TMEM223: variants seen among roughly 807,000 people sequenced by gnomAD.
TMEM223 encodes transmembrane protein 223.
A neutral mutation model predicts 14.1 loss-of-function variants in TMEM223; 14 were observed. The ratio of observed to expected loss-of-function variants is 0.99; its 90% CI spans 0.66 to 1.55. TMEM223 has a LOEUF of 1.55. TMEM223 is among the 40% of genes most tolerant of loss of function. The pLI is 0.00. For missense variants in TMEM223, 346 were observed against 269.9 expected, an observed-to-expected ratio of 1.28 and a Z score of -1.97; for synonymous variants, 145 against 120.5, an observed-to-expected ratio of 1.20 and a Z score of -1.33.
In TMEM223 at chr11:62,791,767, A is replaced by C; in HGVS notation, c.228T>G (p.Pro76=). The C allele has an allele frequency of 1.3e-6, 2 of 1,566,500 alleles. No individual in the cohort carries two copies. The highest frequency in any genetic ancestry group is 1.2e-5 in the South Asian group (1 of 85,178). ...AVSRPPVPVQ[P]LDAEVPNRGP... Reference sequence around the variant, plus strand: ...CACGATTTGGGACCTCCGCATCCAGAGGCTGCACCGGAACCGGGGGCCGGG... The same window carrying C: ...CACGATTTGGGACCTCCGCATCCAGCGGCTGCACCGGAACCGGGGGCCGGG... The change falls in exon 1 of 2, where the codon CCT becomes CCG. Residue 76 remains proline, a synonymous_variant. Coordinates refer to ENST00000307366, the MANE Select transcript of TMEM223 (RefSeq NM_001080501.3).
downstream of TMEM223, among the ~76,000 whole-genome samples, chr11:62,783,680 A>C (rs1338893828): frequency 6.6e-6 from 1 of 151,528 alleles, no homozygotes; most frequent in African/African-American, 2.4e-5. Context: ...GATTACAGGC[A>C]CGTGCCACCA....
At chr11:62,788,903 G>A (rs572615034), downstream of TMEM223, 5 of 1,104,724 alleles carry the variant, frequency 4.5e-6, no homozygotes, top group South Asian at 4.9e-5. Context: ...AGGAATTGAC[G>A]GTGCACAAAT....
chr11:62,772,002 G>C, exon 3 of TMEM223: 1 of 419,658 alleles, frequency 2.4e-6, no homozygotes. Flanking sequence ...GGCGGCTCCT[G>C]AATGCGGTAT....
At chr11:62,781,968 G>A in intron 1 of TMEM223, 1 of 1,613,938 alleles carries the variant, frequency 6.2e-7, no homozygotes, top group Non-Finnish European at 8.5e-7. Flanking sequence ...TGGTCAGTGG[G>A]GTAAGTGACC....
rs1554997115 is a variant in TMEM223, at chr11:62,781,678, A to AAAT, written c.315-7014_315-7013insATT. 2,774 of 463,340 alleles carry AAAT rather than the reference A, an allele frequency of 6.0e-3. 12 individuals carry two copies. Among genetic ancestry groups the AAAT allele is most frequent in the East Asian group, 0.013 (290 of 21,762 alleles). The allele number at this position is 463,340 out of a possible 1,614,324, so 28.7% of individuals were successfully genotyped here. ...ACTCGGTCTCAAAAAAAAAAAAAAA[A>AAAT]GTTGGACATTCAGGTTGTATTCAGG... On this transcript the variant is annotated intron_variant, in intron 1 of 2. Transcript: ENST00000528367.
intron 1 of TMEM223, among the ~76,000 whole-genome samples, chr11:62,791,223 T>C (rs904295560): frequency 6.6e-6 from 1 of 152,102 alleles, no homozygotes; most frequent in Non-Finnish European, 1.5e-5. Context: ...CAGCCTAGGC[T>C]ATGACAGGGC....
At chr11:62,782,588 A>C, downstream of TMEM223, 5 of 1,505,380 alleles carry the variant, frequency 3.3e-6, no homozygotes, top group Non-Finnish European at 4.5e-6. Context: ...TAACCCCAGC[A>C]CTCCCGAGTG....
chr11:62,785,693 C>T (rs1311407789), downstream of TMEM223, among the ~76,000 whole-genome samples: 1 of 152,026 alleles, frequency 6.6e-6, no homozygotes, highest in Non-Finnish European at 1.5e-5. Flanking sequence ...TGCTACTGCG[C>T]CCAGCTAATT....
downstream of TMEM223, among the ~76,000 whole-genome samples, chr11:62,784,125 A>T (rs938225587): frequency 2.2e-5 from 3 of 135,324 alleles, no homozygotes; most frequent in African/African-American, 8.4e-5. Flanking sequence ...AGTAGCTGGG[A>T]CTTACAGGCA....
downstream of TMEM223, chr11:62,787,398 T>A (rs756118693): frequency 5.7e-5 from 89 of 1,557,148 alleles, no homozygotes; most frequent in Admixed American, 1.7e-3. Flanking sequence ...GGCGGGGTGC[T>A]GCTGCAGCGG....
downstream of TMEM223, chr11:62,786,652 G>A (rs1328350996): frequency 1.2e-6 from 2 of 1,605,370 alleles, no homozygotes; most frequent in Non-Finnish European, 1.7e-6. Flanking sequence ...GTCCTCCGGG[G>A]GCGGTGCAGA....
At chr11:62,778,979 C>T (rs1475199911) in intron 1 of TMEM223, 1 of 1,583,344 alleles carries the variant, frequency 6.3e-7, no homozygotes, top group Admixed American at 1.7e-5. Flanking sequence ...CGAGTGGGCC[C>T]AAGTTGGGGC....
downstream of TMEM223, chr11:62,787,109 G>A: frequency 6.5e-7 from 1 of 1,549,908 alleles, no homozygotes; most frequent in Non-Finnish European, 8.7e-7. Flanking sequence ...CCGCACTTTC[G>A]TTTCATCATA....
downstream of TMEM223, chr11:62,786,584 G>A: frequency 6.4e-7 from 1 of 1,574,280 alleles, no homozygotes; most frequent in South Asian, 1.2e-5. Flanking sequence ...GGCCCAGGTG[G>A]CAGGGGGTGC....
At chr11:62,777,717 C>T (rs945546280) in intron 1 of TMEM223, among the ~76,000 whole-genome samples, 1 of 152,134 alleles carries the variant, frequency 6.6e-6, no homozygotes, top group African/African-American at 2.4e-5. Flanking sequence ...ATAAGGAGGA[C>T]CAGTGCTTGG....
intron 1 of TMEM223, among the ~76,000 whole-genome samples, chr11:62,777,675 A>G (rs894539381): frequency 3.9e-5 from 6 of 152,180 alleles, no homozygotes; most frequent in African/African-American, 9.6e-5. Context: ...TTTAGAAGAC[A>G]TTAGTGAGTT....
chr11:62,779,485 G>A (rs749992574), intron 1 of TMEM223, among the ~76,000 whole-genome samples: 79 of 151,902 alleles, frequency 5.2e-4, no homozygotes, highest in Non-Finnish European at 1.3e-4. Flanking sequence ...GTGAGCCACC[G>A]TGCCCAGCCT....
intron 1 of TMEM223, chr11:62,781,662 CA>C (rs58932683): frequency 1.2e-3 from 383 of 313,234 alleles, no homozygotes; most frequent in East Asian, 1.7e-3. Flanking sequence ...GACTCGGTCT[CA>C]AAAAAAAAAA....
intron 1 of TMEM223, chr11:62,776,266 T>C (rs748854499): frequency 9.9e-7 from 1 of 1,010,372 alleles, no homozygotes; most frequent in Non-Finnish European, 1.5e-6. Flanking sequence ...TCTAGGCTTC[T>C]GATCCCTAAG....
Sources: allele counts gnomAD v4.1 joint callset (sites outside exome capture counted in the v4.1 genomes callset), GRCh38; gene constraint gnomAD v4.1.1; transcripts MANE v1.5; gene names NCBI Gene and HGNC (gene_info 2026-07-23, HGNC 2026-07-21).